Variants in GALNT13 observed in about 807,000 individuals in gnomAD.
The protein encoded by GALNT13 is polypeptide N-acetylgalactosaminyltransferase 13.
GALNT13 carries 28 observed loss-of-function variants against 64.2 expected under a neutral mutation model. That is an observed-to-expected ratio of 0.44 (90% CI 0.32 to 0.60). The LOEUF (loss-of-function observed/expected upper bound fraction) is 0.60. Among genes scored for constraint, GALNT13 ranks in the 20% least tolerant of loss-of-function variants. The pLI is 0.05. For missense variants in GALNT13, 577 were observed against 669.8 expected (o/e 0.86, Z 1.53); for synonymous variants, 214 against 224.6 (o/e 0.95, Z 0.42).
At chr2:153,988,043 AG>A (rs1386514764) in intron 3 of GALNT13, among the ~76,000 whole-genome samples, 4 of 147,746 alleles carry the variant, frequency 2.7e-5, no homozygotes, top group Non-Finnish European at 6.0e-5. Context: ...TATACATTTG[AG>A]GGTAGGAGGT....
chr2:153,882,051 A>T (rs1172530221), intron 1 of GALNT13, among the ~76,000 whole-genome samples: 1 of 152,150 alleles, frequency 6.6e-6, no homozygotes, highest in Non-Finnish European at 1.5e-5. Context: ...AGGAATAAGA[A>T]CTATTTTTAT....
At chr2:153,078,068 C>T in the GALNT13 span, among the ~76,000 whole-genome samples, 1 of 151,986 alleles carries the variant, frequency 6.6e-6, no homozygotes, top group Non-Finnish European at 1.5e-5. Context: ...TGGTTTCTCA[C>T]TTTCCTTCTA....
At chr2:153,882,252 C>T (rs1574035132) in intron 1 of GALNT13, among the ~76,000 whole-genome samples, 1 of 151,716 alleles carries the variant, frequency 6.6e-6, no homozygotes, top group Non-Finnish European at 1.5e-5. Context: ...TATTAAGCCC[C>T]CAAAGGCCTG....
chr2:153,804,392 G>T, the GALNT13 span, among the ~76,000 whole-genome samples: 1 of 152,154 alleles, frequency 6.6e-6, no homozygotes, highest in Admixed American at 6.5e-5. Flanking sequence ...GCCCAGATTG[G>T]TCTCAGTCTC....
At chr2:153,439,634 TCTC>T in the GALNT13 span, among the ~76,000 whole-genome samples, 2 of 152,284 alleles carry the variant, frequency 1.3e-5, no homozygotes, top group African/African-American at 4.8e-5. Flanking sequence ...TGGGATATAA[TCTC>T]CTGGTGTGCC....
the GALNT13 span, among the ~76,000 whole-genome samples, chr2:153,440,613 T>G: frequency 6.6e-6 from 1 of 152,168 alleles, no homozygotes; most frequent in Non-Finnish European, 1.5e-5. Context: ...CCAGCATCTG[T>G]TTTTTCCTAA....
intron 3 of GALNT13, among the ~76,000 whole-genome samples, chr2:154,047,945 T>A (rs1699369544): frequency 6.6e-6 from 1 of 152,168 alleles, no homozygotes; most frequent in South Asian, 2.1e-4. Context: ...CTAGATGTAT[T>A]CATCCATTTT....
At chr2:153,092,738 C>T in the GALNT13 span, among the ~76,000 whole-genome samples, 5 of 152,214 alleles carry the variant, frequency 3.3e-5, no homozygotes, top group South Asian at 2.1e-4. Context: ...TTTCTTGTGG[C>T]ATCTAGGATT....
the GALNT13 span, among the ~76,000 whole-genome samples, chr2:153,609,288 C>T: frequency 1.3e-5 from 2 of 152,046 alleles, no homozygotes; most frequent in Non-Finnish European, 2.9e-5. Context: ...TTTAAATCAA[C>T]CTCTACCTTT....
At chr2:153,810,955 T>C in the GALNT13 span, among the ~76,000 whole-genome samples, 1 of 152,206 alleles carries the variant, frequency 6.6e-6, no homozygotes, top group Non-Finnish European at 1.5e-5. Flanking sequence ...ATTGTTTTAC[T>C]ATATTTGTGA....
At chr2:154,019,720 C>T (rs1697303981) in intron 3 of GALNT13, among the ~76,000 whole-genome samples, 1 of 148,742 alleles carries the variant, frequency 6.7e-6, no homozygotes, top group Non-Finnish European at 1.5e-5. Flanking sequence ...TTTTATTATA[C>T]TTTAAGTTTT....
chr2:154,063,789 G>A (rs913094491), intron 3 of GALNT13, among the ~76,000 whole-genome samples: 5 of 152,220 alleles, frequency 3.3e-5, no homozygotes, highest in African/African-American at 1.2e-4. Flanking sequence ...AGTAAAATAT[G>A]AAAAATAACA....
At chr2:153,491,877 C>A in the GALNT13 span, among the ~76,000 whole-genome samples, 2 of 152,092 alleles carry the variant, frequency 1.3e-5, no homozygotes, top group Non-Finnish European at 2.9e-5. Context: ...CTCGGCCTCC[C>A]AAAGAGCTGG....
chr2:154,399,395 G>GCCAA (rs1478814737), intron 10 of GALNT13, among the ~76,000 whole-genome samples: 3 of 152,116 alleles, frequency 2.0e-5, no homozygotes, highest in African/African-American at 7.2e-5. Flanking sequence ...AGATCAAGGT[G>GCCAA]CCAACCGATT....
At chr2:154,144,499 C>T (rs149548983) in intron 4 of GALNT13, among the ~76,000 whole-genome samples, 58 of 152,104 alleles carry the variant, frequency 3.8e-4, no homozygotes, top group African/African-American at 1.2e-3. Flanking sequence ...AATTAATTTA[C>T]GAAGAAGCTG....
rs187131118 is a variant in GALNT13 at position 154,302,696 on chromosome 2, G to T, written c.1156+1107G>T. On this transcript the variant is annotated intron_variant, in intron 9 of 12. Transcript: ENST00000392825. ...TTAGAGAGACATAAGACACATCAGT[G>T]AACTCATATGAGGGATATATTGGTT... 2.1e-3 allele frequency among the ~76,000 whole-genome samples: 319 copies of T among 152,276 alleles called. 9 individuals carry two copies. Among genetic ancestry groups the T allele is most frequent in the Admixed American group, 0.018 (270 of 15,292 alleles).
chr2:153,591,781 A>G, the GALNT13 span, among the ~76,000 whole-genome samples: 1 of 152,076 alleles, frequency 6.6e-6, no homozygotes, highest in Non-Finnish European at 1.5e-5. Flanking sequence ...AAAATTTATG[A>G]TGAAGATTTC....
chr2:153,623,493 C>T, the GALNT13 span, among the ~76,000 whole-genome samples: 61 of 152,162 alleles, frequency 4.0e-4, no homozygotes, highest in African/African-American at 1.3e-3. Context: ...AAGTAGTTTG[C>T]TTTGCTACAA....
chr2:153,438,729 A>AT, the GALNT13 span, among the ~76,000 whole-genome samples: 3 of 151,416 alleles, frequency 2.0e-5, no homozygotes, highest in African/African-American at 7.3e-5. Flanking sequence ...CATTCATCTA[A>AT]TTTTTTTTCA....
Sources: allele counts gnomAD v4.1 joint callset (sites outside exome capture counted in the v4.1 genomes callset), GRCh38; gene constraint gnomAD v4.1.1; transcripts MANE v1.5; gene names NCBI Gene and HGNC (gene_info 2026-07-23, HGNC 2026-07-21).